The following GASK1A variants were observed in gnomAD, a reference collection of about 807,000 sequenced individuals.
GASK1A encodes the protein Golgi-associated kinase 1A.
Under a neutral mutation model 41.2 loss-of-function variants are expected in GASK1A, and 40 were observed. The observed-to-expected ratio is 0.97, with a 90% confidence interval of 0.75 to 1.27. The LOEUF (loss-of-function observed/expected upper bound fraction) is 1.27. GASK1A is among the 50% of genes most tolerant of loss of function. GASK1A has a pLI of 0.00. For missense variants in GASK1A, 678 were observed against 745.1 expected (o/e 0.91, Z 1.05); for synonymous variants, 316 against 307.1 (o/e 1.03, Z -0.30).
In GASK1A at chr3:42,987,857, G is replaced by C. The variant is rs2089320328; in HGVS notation, c.3+8212G>C. Among the ~76,000 whole-genome samples, 4 of 151,998 alleles carry C rather than the reference G, an allele frequency of 2.6e-5. No individual in the cohort carries two copies. The South Asian group carries it at 8.3e-4, about 32-fold the overall frequency. ...CTACTGAAAATACAAAAATTAGCTG[G>C]GCATGGTGGTGGGTGCCTGTAGTCC... On this transcript the variant is annotated intron_variant, in intron 1 of 4. Transcript: ENST00000430121.
intron 2 of GASK1A, among the ~76,000 whole-genome samples, chr3:43,036,970 T>C (rs894401153): frequency 6.6e-6 from 1 of 152,220 alleles, no homozygotes; most frequent in Non-Finnish European, 1.5e-5. Context: ...AGATGTGTTC[T>C]TTTAAGCCAC....
intron 1 of GASK1A, among the ~76,000 whole-genome samples, chr3:43,009,454 C>A (rs1575440006): frequency 6.6e-6 from 1 of 152,292 alleles, no homozygotes; most frequent in South Asian, 2.1e-4. Context: ...ATTCTTTCCC[C>A]CATGTGCCCT....
At chr3:43,025,588 C>A (rs74778950) in intron 1 of GASK1A, among the ~76,000 whole-genome samples, 4,498 of 152,206 alleles carry the variant, frequency 0.03, 174 homozygotes, top group African/African-American at 0.086. Flanking sequence ...CAGAAGAATG[C>A]GGCTAAGTGA....
intron 2 of GASK1A, among the ~76,000 whole-genome samples, chr3:43,033,789 C>G (rs2089592248): frequency 6.6e-6 from 1 of 152,152 alleles, no homozygotes; most frequent in Admixed American, 6.5e-5. Flanking sequence ...ATTTTGTGAC[C>G]TAGTTGTGAA....
At chr3:43,003,070 C>G (rs754657451) in intron 1 of GASK1A, among the ~76,000 whole-genome samples, 6 of 152,184 alleles carry the variant, frequency 3.9e-5, no homozygotes, top group Non-Finnish European at 7.3e-5. Flanking sequence ...GAGCATTGAT[C>G]TCAATCTTGG....
chr3:43,007,493 A>G (rs1393966952), intron 1 of GASK1A, among the ~76,000 whole-genome samples: 1 of 151,930 alleles, frequency 6.6e-6, no homozygotes, highest in Non-Finnish European at 1.5e-5. Flanking sequence ...CTTTCAGCCA[A>G]TCCTTTTGTT....
At chr3:42,992,710 C>A (rs1255932299) in intron 1 of GASK1A, among the ~76,000 whole-genome samples, 1 of 152,148 alleles carries the variant, frequency 6.6e-6, no homozygotes, top group Non-Finnish European at 1.5e-5. Context: ...ACGCCTAGTT[C>A]AAGAGTTGTT....
At chr3:43,037,440 A>G in intron 2 of GASK1A, 2 of 807,694 alleles carry the variant, frequency 2.5e-6, no homozygotes, top group Admixed American at 4.4e-5. Context: ...TGTCTTAAAT[A>G]AAGAAGAGTA....
chr3:42,991,841 G>T (rs1222839229), intron 1 of GASK1A, among the ~76,000 whole-genome samples: 1 of 152,156 alleles, frequency 6.6e-6, no homozygotes, highest in African/African-American at 2.4e-5. Context: ...TGCCTCCTGG[G>T]GGACCTGGAC....
chr3:43,016,902 G>C (rs2089494227), intron 1 of GASK1A, among the ~76,000 whole-genome samples: 1 of 105,494 alleles, frequency 9.5e-6, no homozygotes, highest in South Asian at 2.8e-4. Flanking sequence ...AAAATCCCAT[G>C]AAGGGGCTGT....
At chr3:43,016,539 G>T (rs2089492310) in intron 1 of GASK1A, among the ~76,000 whole-genome samples, 1 of 152,082 alleles carries the variant, frequency 6.6e-6, no homozygotes, top group Non-Finnish European at 1.5e-5. Context: ...CACAGGGAAG[G>T]GCTGTGTGAA....
chr3:43,017,915 G>GAAGTCACGGGAAGAAGTAGTGTT (rs2089501577), intron 1 of GASK1A, among the ~76,000 whole-genome samples: 1 of 152,132 alleles, frequency 6.6e-6, no homozygotes, highest in African/African-American at 2.4e-5. Context: ...AGGAAGGTGG[G>GAAGTCACGGGAAGAAGTAGTGTT]AAGTCACGGG....
chr3:43,007,007 A>G (rs753882707), intron 1 of GASK1A, among the ~76,000 whole-genome samples: 61 of 152,236 alleles, frequency 4.0e-4, no homozygotes, highest in Non-Finnish European at 2.5e-4. Flanking sequence ...TGATAGTCAT[A>G]GGAGAGCAGG....
At chr3:43,009,832 G>A (rs1175140231) in intron 1 of GASK1A, among the ~76,000 whole-genome samples, 2 of 152,224 alleles carry the variant, frequency 1.3e-5, no homozygotes, top group Admixed American at 6.5e-5. Context: ...TGGCCTGAAC[G>A]TAGGCAAGGC....
intron 2 of GASK1A, among the ~76,000 whole-genome samples, chr3:43,046,898 T>A (rs2089666032): frequency 6.6e-6 from 1 of 152,254 alleles, no homozygotes. Context: ...CTTCTAGGCC[T>A]CCACGTGGTG....
chr3:42,993,900 T>A (rs1001909804), intron 1 of GASK1A, among the ~76,000 whole-genome samples: 7 of 152,378 alleles, frequency 4.6e-5, no homozygotes, highest in Middle Eastern at 3.4e-3. Flanking sequence ...TTGGACTTTG[T>A]AGCTGTCTCA....
At chr3:42,981,131 T>C (rs2089280897) in intron 1 of GASK1A, among the ~76,000 whole-genome samples, 1 of 152,202 alleles carries the variant, frequency 6.6e-6, no homozygotes, top group South Asian at 2.1e-4. Flanking sequence ...TCATTGCAGC[T>C]TCCCGGTTTC....
chr3:42,999,793 G>A (rs2125676523), intron 1 of GASK1A, among the ~76,000 whole-genome samples: 1 of 152,166 alleles, frequency 6.6e-6, no homozygotes, highest in East Asian at 1.9e-4. Context: ...CAGAAGGGCT[G>A]GTTTTCTTTG....
rs543115012 is a variant in GASK1A, at chr3:43,036,264, A to T, written c.1290+2711A>T. On this transcript the variant is annotated intron_variant, in intron 2 of 4. Coordinates refer to ENST00000430121, the MANE Select transcript of GASK1A (RefSeq NM_001129908.3). Reference sequence around the variant, plus strand: ...GGTTTGCTGAATGCCAGTCAAGTCAAGCACCCCCCGTCTGGCTAATGCCAC... The same window carrying T: ...GGTTTGCTGAATGCCAGTCAAGTCATGCACCCCCCGTCTGGCTAATGCCAC... Among the ~76,000 whole-genome samples the T allele has an allele frequency of 9.3e-4, 141 of 152,296 alleles. 2 individuals carry two copies. Among genetic ancestry groups the T allele is most frequent in the African/African-American group, 3.0e-3 (123 of 41,546 alleles).
Sources: gnomAD v4.1 joint callset for allele counts (sites outside exome capture counted in the v4.1 genomes callset) on GRCh38, gnomAD v4.1.1 for gene constraint, MANE v1.5 for transcripts, NCBI Gene and HGNC (gene_info 2026-07-23, HGNC 2026-07-21) for gene names.